Variants in ZCCHC7 observed in about 807,000 individuals in gnomAD.
ZCCHC7 encodes the protein zinc finger CCHC-type containing 7, also known as zinc finger CCHC domain-containing protein 7.
In ZCCHC7, 35 loss-of-function variants were observed where a neutral mutation model predicts 52.0. The observed-to-expected ratio is 0.67, with a 90% CI of 0.51 to 0.89. The LOEUF is 0.89. Ranked by LOEUF, ZCCHC7 falls within the 40% of genes least tolerant of loss-of-function variation. The pLI is 0.00. For missense variants in ZCCHC7, 574 were observed against 649.1 expected (o/e 0.88, Z 1.26); for synonymous variants, 217 against 221.5 (o/e 0.98, Z 0.18).
intron 6 of ZCCHC7, among the ~76,000 whole-genome samples, chr9:37,335,429 A>C (rs950069607): frequency 6.6e-6 from 1 of 152,178 alleles, no homozygotes; most frequent in African/African-American, 2.4e-5. Flanking sequence ...ACATAGTTAA[A>C]ATATTTAACT....
chr9:37,258,737 G>C (rs1386457772), intron 2 of ZCCHC7, among the ~76,000 whole-genome samples: 1 of 120,140 alleles, frequency 8.3e-6, no homozygotes, highest in African/African-American at 3.2e-5. Flanking sequence ...GCCTGGGTGA[G>C]AGAGCGAGAT....
chr9:37,326,070 A>G (rs1377337774), intron 5 of ZCCHC7: 2 of 152,218 alleles, frequency 1.3e-5, no homozygotes, highest in African/African-American at 2.4e-5. Context: ...ATCAAGAACT[A>G]TCCATAACTA....
At chr9:37,293,343 T>C (rs996531038) in intron 2 of ZCCHC7, among the ~76,000 whole-genome samples, 1 of 152,096 alleles carries the variant, frequency 6.6e-6, no homozygotes, top group Non-Finnish European at 1.5e-5. Context: ...AGTCAGGAAG[T>C]AGACAAGGAA....
chr9:37,291,796 T>C (rs568402893), intron 2 of ZCCHC7, among the ~76,000 whole-genome samples: 16 of 152,056 alleles, frequency 1.1e-4, no homozygotes, highest in Non-Finnish European at 1.8e-4. Flanking sequence ...TGGGTTCCAG[T>C]GATTCTCCTG....
intron 5 of ZCCHC7, among the ~76,000 whole-genome samples, chr9:37,313,048 T>C (rs1199069588): frequency 6.6e-6 from 1 of 152,222 alleles, no homozygotes; most frequent in African/African-American, 2.4e-5. Flanking sequence ...TCGTGATAGA[T>C]TGGTATGTAC....
intron 2 of ZCCHC7, among the ~76,000 whole-genome samples, chr9:37,268,480 G>T (rs1827222931): frequency 6.6e-6 from 1 of 150,988 alleles, no homozygotes; most frequent in Non-Finnish European, 1.5e-5. Context: ...AGGCTGGAGT[G>T]CAGTGGCGCG....
At position 37,285,465 on chromosome 9, in the gene ZCCHC7, A is replaced by G. The variant is rs558435801; in HGVS notation, c.611-16723A>G. 7.9e-5 allele frequency among the ~76,000 whole-genome samples: 12 copies of G among 151,324 alleles called. No homozygotes were observed. The South Asian group carries it at 2.5e-3, about 32-fold the overall frequency. On this transcript the variant is annotated intron_variant, in intron 2 of 8. Coordinates refer to ENST00000336755, the MANE Select transcript of ZCCHC7 (RefSeq NM_032226.3). ...TTTGTTCTATTCTTCTTCGTCTCTT[A>G]TTTTTCTATATTGGTTGTACTGTAA...
intron 2 of ZCCHC7, among the ~76,000 whole-genome samples, chr9:37,165,517 T>G (rs1027635036): frequency 6.6e-6 from 1 of 152,174 alleles, no homozygotes; most frequent in African/African-American, 2.4e-5. Context: ...CAGGAGTAGA[T>G]GTTGGATTTT....
intron 2 of ZCCHC7, among the ~76,000 whole-genome samples, chr9:37,141,702 A>G (rs904740563): frequency 6.6e-6 from 1 of 151,890 alleles, no homozygotes; most frequent in Non-Finnish European, 1.5e-5. Flanking sequence ...TTTACAAGAA[A>G]TCTGTTGTAA....
Position 37,264,224 on chromosome 9 carries a change from T to C in ZCCHC7, c.611-37964T>C, listed in dbSNP as rs141503141. ...ATGGATGCTTGTGAAAATTAAACAT[T>C]AATAAGAATATTAAAATGCATTTTG... On this transcript the variant is annotated intron_variant, in intron 2 of 8. Transcript: ENST00000336755. 8.0e-4 allele frequency among the ~76,000 whole-genome samples: 122 copies of C among 152,286 alleles called. 2 individuals carry two copies. In the East Asian group the frequency reaches 0.023, roughly 29 times the overall value.
chr9:37,120,181 G>T (rs1203006414), upstream of ZCCHC7, among the ~76,000 whole-genome samples: 1 of 152,346 alleles, frequency 6.6e-6, no homozygotes, highest in South Asian at 2.1e-4. Context: ...TCCACCGAGC[G>T]CCAGGGAGAA....
intron 2 of ZCCHC7, among the ~76,000 whole-genome samples, chr9:37,184,925 A>T (rs1196869600): frequency 6.6e-6 from 1 of 152,198 alleles, no homozygotes; most frequent in Admixed American, 6.5e-5. Flanking sequence ...GAATGGCAAT[A>T]GTCCCTGAGG....
intron 2 of ZCCHC7, among the ~76,000 whole-genome samples, chr9:37,261,473 A>G (rs921077412): frequency 8.5e-5 from 13 of 152,206 alleles, no homozygotes; most frequent in Admixed American, 5.9e-4. Flanking sequence ...ACCTTGGCCA[A>G]AGATATTTAC....
At chr9:37,224,386 G>A (rs1045006711) in intron 2 of ZCCHC7, among the ~76,000 whole-genome samples, 6 of 152,136 alleles carry the variant, frequency 3.9e-5, no homozygotes, top group Admixed American at 6.6e-5. Flanking sequence ...GTGTATATGT[G>A]TGTATTTTAA....
chr9:37,123,216 T>TGTGTGCGTGTGC (rs1564126142), intron 1 of ZCCHC7, among the ~76,000 whole-genome samples: 2 of 109,128 alleles, frequency 1.8e-5, no homozygotes, highest in East Asian at 2.2e-4. Flanking sequence ...TGTGTGTGTG[T>TGTGTGCGTGTGC]GTGTGTGTGC....
chr9:37,135,219 A>G (rs74849033), intron 2 of ZCCHC7, among the ~76,000 whole-genome samples: 7,729 of 152,294 alleles, frequency 0.051, 644 homozygotes, highest in African/African-American at 0.17. Context: ...TGTAATAAAT[A>G]CTTTTTGAAA....
chr9:37,245,345 A>G (rs1466304382), intron 2 of ZCCHC7, among the ~76,000 whole-genome samples: 3 of 152,048 alleles, frequency 2.0e-5, no homozygotes. Context: ...TTTAAAAATT[A>G]AAAGACTGAA....
intron 6 of ZCCHC7, among the ~76,000 whole-genome samples, chr9:37,344,970 C>T (rs1002800909): frequency 2.6e-5 from 4 of 152,198 alleles, no homozygotes; most frequent in African/African-American, 9.7e-5. Context: ...CTACTTGTCC[C>T]CTTCCCTTCT....
chr9:37,223,659 A>G (rs1824942881), intron 2 of ZCCHC7, among the ~76,000 whole-genome samples: 1 of 152,144 alleles, frequency 6.6e-6, no homozygotes. Flanking sequence ...TATATATTTT[A>G]CCACAGTAAA....
Sources: allele counts gnomAD v4.1 joint callset (sites outside exome capture counted in the v4.1 genomes callset), GRCh38; gene constraint gnomAD v4.1.1; transcripts MANE v1.5; gene names NCBI Gene and HGNC (gene_info 2026-07-23, HGNC 2026-07-21).